ADAMTS14: variants seen among roughly 807,000 people sequenced by gnomAD.
ADAMTS14 encodes the protein ADAM metallopeptidase with thrombospondin type 1 motif 14.
In ADAMTS14, 100 loss-of-function variants were observed where a neutral mutation model predicts 128.6. That is an observed-to-expected ratio of 0.78 (90% confidence interval 0.66 to 0.92). The LOEUF (loss-of-function observed/expected upper bound fraction) is 0.92, where lower values mean the gene tolerates loss of function less well. Ranked by LOEUF, ADAMTS14 falls within the 40% of genes least tolerant of loss-of-function variation. The pLI is 0.00. For synonymous variants in ADAMTS14, 665 were observed against 653.8 expected, an observed-to-expected ratio of 1.02 and a Z score of -0.26; for missense variants, 1,562 against 1,658.6, an observed-to-expected ratio of 0.94 and a Z score of 1.01.
intron 15 of ADAMTS14, among the ~76,000 whole-genome samples, chr10:70,746,437 G>A (rs189096829): frequency 3.5e-4 from 53 of 152,330 alleles, no homozygotes; most frequent in Admixed American, 2.8e-3. Context: ...AAAGAGGCAT[G>A]ACGGCTAATG....
At chr10:70,741,850 T>C (rs1299817413) in intron 12 of ADAMTS14, among the ~76,000 whole-genome samples, 2 of 152,118 alleles carry the variant, frequency 1.3e-5, no homozygotes, top group Non-Finnish European at 2.9e-5. Flanking sequence ...CAGTGAAGGG[T>C]TGGGATTCGT....
intron 2 of ADAMTS14, among the ~76,000 whole-genome samples, chr10:70,687,407 G>T (rs1435269856): frequency 2.0e-5 from 1 of 49,314 alleles, no homozygotes; most frequent in Non-Finnish European, 4.5e-5. Context: ...CAGTAGGGGC[G>T]GCCGGGCAGA....
At chr10:70,686,357 A>G (rs1349219730) in intron 2 of ADAMTS14, among the ~76,000 whole-genome samples, 1 of 122,386 alleles carries the variant, frequency 8.2e-6, no homozygotes, top group East Asian at 2.3e-4. Flanking sequence ...GGGTCATGGG[A>G]CAATAGTGGA....
In ADAMTS14 at chr10:70,753,818, G is replaced by A; in HGVS notation, c.2748G>A (p.Trp916Ter). 6.3e-7 allele frequency: 1 copy of A among 1,584,970 alleles called. No individual in the cohort carries two copies. Among genetic ancestry groups the A allele is most frequent in the Non-Finnish European group, 8.6e-7 (1 of 1,166,136 alleles). Residue 916 changes from tryptophan to a stop codon, truncating the protein, a stop_gained, in exon 19 of 22, where the codon TGG (tryptophan) becomes TGA (stop). Transcript: ENST00000373207. LOFTEE classifies it high-confidence loss of function. Reference sequence around the variant, plus strand: ...TTTCCAGGTGGGTGACGGAGGAGTGGGGTGCCTGCAGCCGGAGCTGTGGGA... The same window carrying A: ...TTTCCAGGTGGGTGACGGAGGAGTGAGGTGCCTGCAGCCGGAGCTGTGGGA... ...CSQPVWVTEE[W>*]GACSRSCGKL... is the part of the protein sequence containing the mutation.
At chr10:70,721,342 C>A (rs1841256438) in intron 4 of ADAMTS14, among the ~76,000 whole-genome samples, 1 of 150,084 alleles carries the variant, frequency 6.7e-6, no homozygotes, top group Non-Finnish European at 1.5e-5. Flanking sequence ...CTTTTAACCT[C>A]AGTTAGACTT....
chr10:70,760,312 A>C (rs1210505070), intron 21 of ADAMTS14, 48 bp from the exon 22 acceptor site: 21 of 1,503,794 alleles, frequency 1.4e-5, no homozygotes, highest in Non-Finnish European at 1.9e-5. Context: ...CCTGACTGAC[A>C]GGCATCCCCA....
intron 2 of ADAMTS14, among the ~76,000 whole-genome samples, chr10:70,700,263 C>T (rs1218692421): frequency 6.6e-6 from 1 of 152,058 alleles, no homozygotes; most frequent in African/African-American, 2.4e-5. Flanking sequence ...ATGTCCTGGT[C>T]CCCTCCCCAC....
In ADAMTS14 at chr10:70,745,296, C is replaced by T. The variant is rs1842142519; in HGVS notation, c.2253C>T (p.Pro751=). Residue 751 remains proline (P), a synonymous_variant, in exon 15 of 22, where the codon CCC becomes CCT. Coordinates refer to ENST00000373207, the MANE Select transcript of ADAMTS14 (RefSeq NM_080722.4). ...HIQIEALEKS[P]HRIVVKNQVT... is the part of the protein sequence containing the mutation. ...AGATTGAGGCACTGGAGAAGTCCCCCCACCGCATTGGTGAGTGCTGGGGTG... is the reference window on the plus strand; with the variant it reads ...AGATTGAGGCACTGGAGAAGTCCCCTCACCGCATTGGTGAGTGCTGGGGTG... 3.7e-6 allele frequency: 6 copies of T among 1,612,562 alleles called. No homozygotes were observed. In the Middle Eastern group the frequency reaches 5.7e-4, roughly 154 times the overall value.
intron 4 of ADAMTS14, among the ~76,000 whole-genome samples, chr10:70,725,890 C>G (rs10159680): frequency 0.31 from 47,357 of 151,852 alleles, 8,358 homozygotes; most frequent in African/African-American, 0.48. Context: ...GTCCAGGGAT[C>G]GTTCCAGCTC....
rs1435794690 is a variant in ADAMTS14, at chr10:70,732,379, T to G, written c.1208+20T>G. 1.9e-6 allele frequency: 3 copies of G among 1,591,392 alleles called. No individual in the cohort carries two copies. The African/African-American group carries it at 4.0e-5, about 21-fold the overall frequency. ...CCACGTGTAAGTGGCAGCAGCACGG[T>G]GGGTGGGACTGGCAGCTGTGCCGTG... On this transcript the variant is annotated intron_variant, in intron 7 of 21. Coordinates refer to ENST00000373207, the MANE Select transcript of ADAMTS14 (RefSeq NM_080722.4).
At chr10:70,739,333 T>C (rs1841924394) in intron 11 of ADAMTS14, among the ~76,000 whole-genome samples, 1 of 152,160 alleles carries the variant, frequency 6.6e-6, no homozygotes, top group South Asian at 2.1e-4. Flanking sequence ...AACACTGATC[T>C]AAGCTCTTTG....
chr10:70,683,820 C>T (rs1035408818), intron 2 of ADAMTS14, among the ~76,000 whole-genome samples: 1 of 152,146 alleles, frequency 6.6e-6, no homozygotes, highest in Non-Finnish European at 1.5e-5. Flanking sequence ...CTGTAGGCCG[C>T]GCGGCCTCAG....
intron 4 of ADAMTS14, among the ~76,000 whole-genome samples, chr10:70,713,923 G>A (rs143836230): frequency 2.0e-5 from 3 of 152,308 alleles, no homozygotes; most frequent in African/African-American, 4.8e-5. Context: ...GCTGGGTGCC[G>A]TGACTCACAC....
intron 4 of ADAMTS14, among the ~76,000 whole-genome samples, chr10:70,717,959 G>A (rs910352338): frequency 6.6e-6 from 1 of 152,214 alleles, no homozygotes; most frequent in African/African-American, 2.4e-5. Flanking sequence ...TCTGAGCCTG[G>A]GGCCTGCTCA....
rs59919188 is a variant in ADAMTS14, at chr10:70,694,544, A to G, written c.523-7768A>G. 4.7e-3 allele frequency among the ~76,000 whole-genome samples: 717 copies of G among 152,204 alleles called. 4 individuals carry two copies. The highest frequency in any genetic ancestry group is 0.014 in the African/African-American group (592 of 41,528). ...TTCACCCCCGATCCAACATTACCCC[A>G]GCCCTTGGCAGTGACGAATCTACTT... On this transcript the variant is annotated intron_variant, in intron 2 of 21. Coordinates refer to ENST00000373207, the MANE Select transcript of ADAMTS14 (RefSeq NM_080722.4).
intron 2 of ADAMTS14, among the ~76,000 whole-genome samples, chr10:70,692,076 G>A (rs1339078956): frequency 1.3e-5 from 2 of 151,996 alleles, no homozygotes; most frequent in African/African-American, 4.8e-5. Context: ...CTTCCAGAAT[G>A]CACTGACTCC....
At chr10:70,731,041 A>T (rs988227044) in intron 6 of ADAMTS14, among the ~76,000 whole-genome samples, 2 of 148,220 alleles carry the variant, frequency 1.3e-5, no homozygotes, top group African/African-American at 2.5e-5. Flanking sequence ...GAATGACTGA[A>T]GCCCCAAATG....
intron 7 of ADAMTS14, 137 bp from the exon 8 acceptor site, chr10:70,733,748 T>G: frequency 8.8e-7 from 1 of 1,132,192 alleles, no homozygotes; most frequent in Non-Finnish European, 1.2e-6. Flanking sequence ...ACTACGTGGT[T>G]GGAAAACTGA....
chr10:70,756,414 G>T (rs1307427493), intron 19 of ADAMTS14, among the ~76,000 whole-genome samples: 1 of 152,144 alleles, frequency 6.6e-6, no homozygotes, highest in African/African-American at 2.4e-5. Context: ...GGACCCCACA[G>T]ATAAAAGTAA....
Sources: allele counts gnomAD v4.1 joint callset (sites outside exome capture counted in the v4.1 genomes callset), GRCh38; gene constraint gnomAD v4.1.1; transcripts MANE v1.5; gene names NCBI Gene and HGNC (gene_info 2026-07-23, HGNC 2026-07-21).